FAHD1: variants seen among roughly 807,000 people sequenced by gnomAD.
FAHD1 encodes oxaloacetate tautomerase FAHD1, mitochondrial.
A neutral mutation model predicts 12.7 loss-of-function variants in FAHD1; 14 were observed. The observed-to-expected ratio is 1.10, with a 90% CI of 0.73 to 1.72. The LOEUF (loss-of-function observed/expected upper bound fraction) is 1.72. Among genes scored for constraint, FAHD1 ranks in the 40% most tolerant of loss-of-function variants. FAHD1 has a pLI of 0.00. For synonymous variants in FAHD1, 153 were observed against 124.9 expected, an observed-to-expected ratio of 1.22 and a Z score of -1.50; for missense variants, 351 against 298.9, an observed-to-expected ratio of 1.17 and a Z score of -1.29.
intron 1 of FAHD1, chr16:1,837,956 C>T (rs2142074819): frequency 1.4e-6 from 2 of 1,446,170 alleles, no homozygotes; most frequent in East Asian, 2.5e-5. Context: ...CAAACTTTCT[C>T]ATTAGAAATG....
chr16:1,832,312 A>T (rs112331372), downstream of FAHD1, among the ~76,000 whole-genome samples: 25,787 of 148,198 alleles, frequency 0.17, 2,387 homozygotes, highest in South Asian at 0.27. Flanking sequence ...CTGGGACTAC[A>T]GGCGCCCTCC....
At chr16:1,828,908 T>A (rs1567268499) in exon 1 of FAHD1, 21 of 1,000,092 alleles carry the variant, frequency 2.1e-5, no homozygotes, top group Non-Finnish European at 2.5e-5. Flanking sequence ...TGCTCCCTTC[T>A]AAGTGGCTTA....
At chr16:1,837,995 A>C in intron 1 of FAHD1, 1 of 1,443,432 alleles carries the variant, frequency 6.9e-7, no homozygotes. Flanking sequence ...TTACAGCTCA[A>C]TCGTTTGTTT....
chr16:1,833,072 A>G (rs1898652023), downstream of FAHD1, among the ~76,000 whole-genome samples: 1 of 152,092 alleles, frequency 6.6e-6, no homozygotes, highest in Non-Finnish European at 1.5e-5. Context: ...CTTCTAAAGT[A>G]CCAGGTCAAA....
At chr16:1,833,364 C>T (rs1341439117), downstream of FAHD1, among the ~76,000 whole-genome samples, 1 of 152,042 alleles carries the variant, frequency 6.6e-6, no homozygotes, top group Non-Finnish European at 1.5e-5. Flanking sequence ...TCCACAAGCA[C>T]TGGGCACTCC....
exon 1 of FAHD1, chr16:1,827,220 G>C: frequency 6.3e-7 from 1 of 1,594,182 alleles, no homozygotes; most frequent in South Asian, 1.1e-5. Flanking sequence ...CGTGACTACA[G>C]GGGCACTTGA....
chr16:1,838,125 G>T, exon 2 of FAHD1: 1 of 603,848 alleles, frequency 1.7e-6, no homozygotes. Context: ...TCCCGTTTCT[G>T]AGGTTACAGG....
intron 1 of FAHD1, chr16:1,834,270 G>A (rs1218599660): frequency 1.3e-6 from 2 of 1,598,728 alleles, no homozygotes; most frequent in Non-Finnish European, 1.7e-6. Flanking sequence ...ACATGTTTTT[G>A]TCCAGACAAG....
downstream of FAHD1, among the ~76,000 whole-genome samples, chr16:1,833,636 A>G (rs1319795573): frequency 7.0e-6 from 1 of 142,260 alleles, no homozygotes; most frequent in Non-Finnish European, 1.5e-5. Context: ...ATCTCAGCTC[A>G]CTACAACCTC....
downstream of FAHD1, chr16:1,828,918 AC>A (rs1184236832): frequency 4.0e-6 from 4 of 1,000,126 alleles, no homozygotes; most frequent in African/African-American, 7.0e-5. Context: ...TAAGTGGCTT[AC>A]AAGGGTAATT....
chr16:1,828,013 G>C, exon 1 of FAHD1: 3 of 1,500,050 alleles, frequency 2.0e-6, no homozygotes, highest in Non-Finnish European at 2.7e-6. Context: ...CGGACGCGGT[G>C]GCTCACGCCT....
chr16:1,827,446 GA>G lies in FAHD1; in HGVS notation c.209del (p.Glu70GlyfsTer5). 1 of 1,610,826 alleles carries G rather than the reference GA, an allele frequency of 6.2e-7. No individual in the cohort carries two copies. The highest frequency in any genetic ancestry group is 8.5e-7 in the Non-Finnish European group (1 of 1,178,266). ...CACTCGCAACCTGCACCACGAGCTGGAGCTGGGCGTGGTGATGGGCAAGCGC... is the reference window on the plus strand; with the variant it reads ...CACTCGCAACCTGCACCACGAGCTGGGCTGGGCGTGGTGATGGGCAAGCGC... On this transcript the variant is annotated frameshift_variant, in exon 1 of 1. Coordinates refer to ENST00000427358, the Ensembl canonical transcript of FAHD1. LOFTEE classifies it high-confidence loss of function.
intron 1 of FAHD1, among the ~76,000 whole-genome samples, chr16:1,836,595 C>T (rs1898755697): frequency 6.7e-6 from 1 of 148,976 alleles, no homozygotes; most frequent in African/African-American, 2.4e-5. Context: ...AAGCCGAGGT[C>T]CTAGAAATAT....
At chr16:1,837,252 T>TA (rs754011708) in intron 1 of FAHD1, among the ~76,000 whole-genome samples, 2 of 150,004 alleles carry the variant, frequency 1.3e-5, no homozygotes, top group Non-Finnish European at 3.0e-5. Flanking sequence ...GGATTAGGAT[T>TA]CAGACCAAAT....
downstream of FAHD1, among the ~76,000 whole-genome samples, chr16:1,832,354 G>A (rs1898637527): frequency 6.6e-6 from 1 of 150,674 alleles, no homozygotes; most frequent in Non-Finnish European, 1.5e-5. Flanking sequence ...TGTATTTTTA[G>A]TAGAGACAGG....
downstream of FAHD1, among the ~76,000 whole-genome samples, chr16:1,831,623 G>T (rs1361873078): frequency 1.3e-5 from 2 of 152,074 alleles, no homozygotes; most frequent in African/African-American, 4.8e-5. Context: ...TGATGCAAGG[G>T]GCATCCTCCA....
At chr16:1,839,569 C>T (rs1216460152) in exon 3 of FAHD1, 7 of 775,122 alleles carry the variant, frequency 9.0e-6, no homozygotes, top group South Asian at 5.7e-5. Context: ...CAGTGCTATG[C>T]GGTCTACAAG....
chr16:1,838,404 G>A (rs1347838670), intron 2 of FAHD1, among the ~76,000 whole-genome samples: 1 of 152,136 alleles, frequency 6.6e-6, no homozygotes, highest in Non-Finnish European at 1.5e-5. Context: ...TCAATAAAGT[G>A]GAAGCAGAAT....
chr16:1,830,474 T>C (rs542913872), downstream of FAHD1, among the ~76,000 whole-genome samples: 1 of 152,316 alleles, frequency 6.6e-6, no homozygotes, highest in Admixed American at 6.5e-5. Context: ...GACAGACTAT[T>C]AAAGTCAAAG....
Sources: gnomAD v4.1 joint callset for allele counts (sites outside exome capture counted in the v4.1 genomes callset) on GRCh38, gnomAD v4.1.1 for gene constraint, MANE v1.5 for transcripts, NCBI Gene and HGNC (gene_info 2026-07-23, HGNC 2026-07-21) for gene names.